The following NR2F1-AS1 variants were observed in gnomAD, a reference collection of about 807,000 sequenced individuals.
NR2F1-AS1 encodes NR2F1 antisense RNA 1.
intron 4 of NR2F1-AS1, among the ~76,000 whole-genome samples, chr5:93,514,054 A>T (rs1332408224): frequency 6.6e-6 from 1 of 152,096 alleles, no homozygotes; most frequent in African/African-American, 2.4e-5. Context: ...ATAGGATTAC[A>T]GTGTAGTTCA....
Position 93,507,934 on chromosome 5 carries a change from T to C in NR2F1-AS1, n.638+45827A>G, listed in dbSNP as rs149821437. Among the ~76,000 whole-genome samples, 50 of 152,238 alleles carry C rather than the reference T, an allele frequency of 3.3e-4. No individual in the cohort carries two copies. The East Asian group carries it at 5.8e-3, about 18-fold the overall frequency. On this transcript the variant is annotated intron_variant and non_coding_transcript_variant, in intron 4 of 5. Coordinates refer to ENST00000660523, the Ensembl canonical transcript of NR2F1-AS1. ...TAACAAAATCTGACTAAAACTTCTA[T>C]GGAGGAAATTCTAAAACTTTAACAT...
chr5:93,482,023 A>G (rs1421708660), intron 4 of NR2F1-AS1, among the ~76,000 whole-genome samples: 2 of 152,120 alleles, frequency 1.3e-5, no homozygotes, highest in East Asian at 3.9e-4. Context: ...ATTACACCCA[A>G]AACAAGCAAA....
intron 4 of NR2F1-AS1, among the ~76,000 whole-genome samples, chr5:93,552,875 G>C (rs1009987185): frequency 5.9e-5 from 9 of 152,036 alleles, no homozygotes; most frequent in African/African-American, 2.2e-4. Context: ...AATTATAAAT[G>C]TAATTAGTAC....
At chr5:93,447,055 A>G (rs1749726916) in intron 4 of NR2F1-AS1, among the ~76,000 whole-genome samples, 1 of 152,358 alleles carries the variant, frequency 6.6e-6, no homozygotes, top group South Asian at 2.1e-4. Flanking sequence ...AATTAATTCA[A>G]GATGGATTAA....
chr5:93,410,985 G>GTTT (rs539140561), intron 4 of NR2F1-AS1: 1 of 152,040 alleles, frequency 6.6e-6, no homozygotes, highest in African/African-American at 2.4e-5. Flanking sequence ...ATTTTGTTTT[G>GTTT]TTTTTTATTA....
chr5:93,467,060 C>T (rs1037247853), intron 4 of NR2F1-AS1, among the ~76,000 whole-genome samples: 1 of 152,020 alleles, frequency 6.6e-6, no homozygotes, highest in Admixed American at 6.6e-5. Context: ...GCCACCATGC[C>T]TGGATAATTT....
chr5:93,473,875 A>G (rs1750425743), intron 4 of NR2F1-AS1, among the ~76,000 whole-genome samples: 1 of 151,758 alleles, frequency 6.6e-6, no homozygotes, highest in African/African-American at 2.4e-5. Context: ...TTAATTAGCA[A>G]CTCTCCAAGA....
chr5:93,422,886 T>C (rs1219358861), intron 4 of NR2F1-AS1, among the ~76,000 whole-genome samples: 1 of 152,218 alleles, frequency 6.6e-6, no homozygotes, highest in Middle Eastern at 3.4e-3. Flanking sequence ...CTGGGGAGTT[T>C]AGAATGGGAA....
chr5:93,506,808 G>C (rs1751195027), intron 4 of NR2F1-AS1, among the ~76,000 whole-genome samples: 1 of 152,134 alleles, frequency 6.6e-6, no homozygotes, highest in Admixed American at 6.6e-5. Flanking sequence ...TGGGGACACA[G>C]CCAAACCATA....
chr5:93,570,817 G>A (rs1752742568), intron 1 of NR2F1-AS1: 1 of 152,214 alleles, frequency 6.6e-6, no homozygotes, highest in African/African-American at 2.4e-5. Flanking sequence ...CCAACCCCGC[G>A]CGCAAGGCTC....
intron 4 of NR2F1-AS1, among the ~76,000 whole-genome samples, chr5:93,473,459 C>T (rs1400968490): frequency 6.6e-6 from 1 of 151,694 alleles, no homozygotes; most frequent in Non-Finnish European, 1.5e-5. Flanking sequence ...CTTTGGAAGC[C>T]TCCCGTTGCC....
chr5:93,519,056 G>A (rs1428053486), intron 4 of NR2F1-AS1, among the ~76,000 whole-genome samples: 1 of 152,024 alleles, frequency 6.6e-6, no homozygotes, highest in Non-Finnish European at 1.5e-5. Flanking sequence ...AGAAAAATTT[G>A]CATATGGTCA....
At chr5:93,464,160 T>C (rs1750166403) in intron 4 of NR2F1-AS1, among the ~76,000 whole-genome samples, 1 of 152,202 alleles carries the variant, frequency 6.6e-6, no homozygotes, top group Non-Finnish European at 1.5e-5. Flanking sequence ...GATTGAATTA[T>C]GGTGGCAGGT....
At chr5:93,558,609 A>G (rs1437516559) in intron 2 of NR2F1-AS1, among the ~76,000 whole-genome samples, 1 of 152,228 alleles carries the variant, frequency 6.6e-6, no homozygotes, top group Non-Finnish European at 1.5e-5. Flanking sequence ...GGCATGAGCC[A>G]CTACTCTTAG....
chr5:93,550,600 G>T (rs1176878803), intron 4 of NR2F1-AS1, among the ~76,000 whole-genome samples: 1 of 152,194 alleles, frequency 6.6e-6, no homozygotes, highest in Non-Finnish European at 1.5e-5. Context: ...ACAGTTTTAT[G>T]CCTGTCAGAA....
chr5:93,467,832 G>C (rs904728663), intron 4 of NR2F1-AS1, among the ~76,000 whole-genome samples: 3 of 151,368 alleles, frequency 2.0e-5, no homozygotes, highest in African/African-American at 4.8e-5. Context: ...GACAGGCCCC[G>C]GCATATGGTG....
chr5:93,496,346 AG>A (rs1750960110), intron 4 of NR2F1-AS1, among the ~76,000 whole-genome samples: 1 of 152,152 alleles, frequency 6.6e-6, no homozygotes, highest in African/African-American at 2.4e-5. Flanking sequence ...TAAACTCTAG[AG>A]TCCAGGGAAA....
At chr5:93,429,288 A>T (rs1010348173) in intron 4 of NR2F1-AS1, among the ~76,000 whole-genome samples, 1 of 152,214 alleles carries the variant, frequency 6.6e-6, no homozygotes, top group Admixed American at 6.5e-5. Flanking sequence ...GAAATAACAA[A>T]TATCTACTTC....
intron 1 of NR2F1-AS1, among the ~76,000 whole-genome samples, chr5:93,572,645 G>A (rs1187456824): frequency 6.6e-6 from 1 of 152,190 alleles, no homozygotes; most frequent in African/African-American, 2.4e-5. Flanking sequence ...CACCACCAGC[G>A]CCGTTATTCC....
Sources: gnomAD v4.1 joint callset for allele counts (sites outside exome capture counted in the v4.1 genomes callset) on GRCh38, gnomAD v4.1.1 for gene constraint, MANE v1.5 for transcripts, NCBI Gene and HGNC (gene_info 2026-07-23, HGNC 2026-07-21) for gene names.